The following FMNL2 variants were observed in gnomAD, a reference collection of about 807,000 sequenced individuals.
FMNL2 encodes formin-like protein 2.
FMNL2 carries 51 observed loss-of-function variants against 130.2 expected under a neutral mutation model. The ratio of observed to expected loss-of-function variants is 0.39; its 90% CI spans 0.31 to 0.49. The LOEUF (loss-of-function observed/expected upper bound fraction) is 0.49, where lower values mean the gene tolerates loss of function less well. Ranked by LOEUF, FMNL2 falls within the 20% of genes least tolerant of loss-of-function variation. FMNL2 has a pLI of 0.85. For missense variants in FMNL2, 977 were observed against 1,316.2 expected, an observed-to-expected ratio of 0.74 and a Z score of 3.99; for synonymous variants, 465 against 467.1, an observed-to-expected ratio of 1.00 and a Z score of 0.06.
At chr2:152,587,141 C>T (rs935060370) in intron 9 of FMNL2, among the ~76,000 whole-genome samples, 1 of 152,150 alleles carries the variant, frequency 6.6e-6, no homozygotes, top group Non-Finnish European at 1.5e-5. Flanking sequence ...GGAGAGTGCC[C>T]CAGGAAGGAG....
At chr2:152,631,308 G>A (rs1449111403) in intron 20 of FMNL2, among the ~76,000 whole-genome samples, 2 of 145,302 alleles carry the variant, frequency 1.4e-5, no homozygotes, top group East Asian at 2.0e-4. Flanking sequence ...CAGGAGAATC[G>A]CTTGAACGCA....
chr2:152,398,612 G>A (rs1685523531), intron 1 of FMNL2, among the ~76,000 whole-genome samples: 1 of 152,166 alleles, frequency 6.6e-6, no homozygotes, highest in Non-Finnish European at 1.5e-5. Context: ...ATGAATGATA[G>A]GTAGCATTTG....
chr2:152,518,461 T>C (rs575428757), intron 1 of FMNL2, among the ~76,000 whole-genome samples: 1 of 152,340 alleles, frequency 6.6e-6, no homozygotes, highest in South Asian at 2.1e-4. Flanking sequence ...ATTCAGACCT[T>C]TCTTTTGACC....
chr2:152,389,263 C>T (rs1050931711), intron 1 of FMNL2, among the ~76,000 whole-genome samples: 1 of 152,168 alleles, frequency 6.6e-6, no homozygotes, highest in Non-Finnish European at 1.5e-5. Flanking sequence ...AAGGCATCAG[C>T]AAATTTGAGG....
intron 1 of FMNL2, among the ~76,000 whole-genome samples, chr2:152,511,850 T>C (rs1158692764): frequency 6.6e-6 from 1 of 152,198 alleles, no homozygotes; most frequent in Non-Finnish European, 1.5e-5. Context: ...CAGCAGGTGA[T>C]ACAGACTGCA....
chr2:152,616,384 G>GC (rs1478537720), intron 12 of FMNL2, among the ~76,000 whole-genome samples: 1 of 140,482 alleles, frequency 7.1e-6, no homozygotes, highest in Non-Finnish European at 1.5e-5. Context: ...AGGCTGGAGT[G>GC]CAGTGGCGCG....
intron 4 of FMNL2, among the ~76,000 whole-genome samples, chr2:152,557,104 G>A (rs1695258205): frequency 6.6e-6 from 1 of 152,080 alleles, no homozygotes; most frequent in Non-Finnish European, 1.5e-5. Flanking sequence ...CTATTTCTAA[G>A]CTTCTAATTA....
At chr2:152,457,061 C>T (rs1373963495) in intron 1 of FMNL2, among the ~76,000 whole-genome samples, 2 of 151,866 alleles carry the variant, frequency 1.3e-5, no homozygotes, top group African/African-American at 2.4e-5. Flanking sequence ...GCTTTTAGTG[C>T]CCGAAGAATG....
chr2:152,495,477 C>G (rs1435841980), intron 1 of FMNL2, among the ~76,000 whole-genome samples: 3 of 151,494 alleles, frequency 2.0e-5, no homozygotes, highest in African/African-American at 7.3e-5. Flanking sequence ...TGGCAAAACA[C>G]CGTCTGTAAT....
intron 1 of FMNL2, among the ~76,000 whole-genome samples, chr2:152,352,293 A>G (rs925839124): frequency 2.6e-5 from 4 of 152,228 alleles, no homozygotes; most frequent in Non-Finnish European, 5.9e-5. Flanking sequence ...TTCAGTAAAC[A>G]TGAATGGTAG....
chr2:152,628,211 G>A, intron 17 of FMNL2, 88 bp from the exon 18 acceptor site: 1 of 1,121,354 alleles, frequency 8.9e-7, no homozygotes, highest in Non-Finnish European at 1.3e-6. Context: ...ATGGATGATG[G>A]ATGGATGAAC....
chr2:152,513,959 G>C (rs1010189765), intron 1 of FMNL2, among the ~76,000 whole-genome samples: 1 of 152,140 alleles, frequency 6.6e-6, no homozygotes, highest in Non-Finnish European at 1.5e-5. Context: ...GCATCCTCTA[G>C]GCTAGGAAGA....
At chr2:152,470,643 A>G (rs10169514) in intron 1 of FMNL2, among the ~76,000 whole-genome samples, 88,774 of 152,132 alleles carry the variant, frequency 0.58, 28,675 homozygotes, top group East Asian at 0.97. Context: ...ATCAATAAAG[A>G]TTGACAATAT....
intron 1 of FMNL2, among the ~76,000 whole-genome samples, chr2:152,428,175 A>T (rs76977062): frequency 0.035 from 5,345 of 152,244 alleles, 312 homozygotes; most frequent in African/African-American, 0.12. Flanking sequence ...ATATTTGCTG[A>T]TTGGTAACAT....
chr2:152,548,686 C>A (rs918289778), intron 3 of FMNL2, among the ~76,000 whole-genome samples: 2 of 152,082 alleles, frequency 1.3e-5, no homozygotes, highest in East Asian at 3.9e-4. Context: ...TATGCTGAGT[C>A]CTTTGAGTGC....
chr2:152,344,767 C>G (rs981481983), intron 1 of FMNL2, among the ~76,000 whole-genome samples: 4 of 152,168 alleles, frequency 2.6e-5, no homozygotes, highest in Non-Finnish European at 4.4e-5. Context: ...TTGCTTTGAT[C>G]TCTGGTTTTA....
chr2:152,426,300 T>C (rs1465460562), intron 1 of FMNL2, among the ~76,000 whole-genome samples: 1 of 152,178 alleles, frequency 6.6e-6, no homozygotes, highest in Non-Finnish European at 1.5e-5. Flanking sequence ...GACAGGGTAC[T>C]TGTGTATTTA....
intron 1 of FMNL2, among the ~76,000 whole-genome samples, chr2:152,373,676 G>A (rs1374980196): frequency 6.6e-6 from 1 of 151,650 alleles, no homozygotes; most frequent in Non-Finnish European, 1.5e-5. Context: ...TACTTGGCAT[G>A]TGGCAAATTC....
intron 1 of FMNL2, among the ~76,000 whole-genome samples, chr2:152,405,535 A>AT (rs1277458985): frequency 2.6e-5 from 4 of 151,870 alleles, no homozygotes; most frequent in Non-Finnish European, 5.9e-5. Context: ...ATGTCTTGTG[A>AT]TTTTTTTTCC....
Sources: gnomAD v4.1 joint callset for allele counts (sites outside exome capture counted in the v4.1 genomes callset) on GRCh38, gnomAD v4.1.1 for gene constraint, MANE v1.5 for transcripts, NCBI Gene and HGNC (gene_info 2026-07-23, HGNC 2026-07-21) for gene names.